Variants in PIK3C3 observed in about 807,000 individuals in gnomAD.
PIK3C3 encodes phosphatidylinositol 3-kinase catalytic subunit type 3, also known as PI3-kinase type 3.
PIK3C3 carries 95 observed loss-of-function variants against 126.1 expected under a neutral mutation model. The observed-to-expected ratio is 0.75, with a 90% CI of 0.64 to 0.89. PIK3C3 has a LOEUF of 0.89. Ranked by LOEUF, PIK3C3 falls within the 40% of genes least tolerant of loss-of-function variation. The probability of loss-of-function intolerance (pLI) is 0.00; values close to 1 mark genes in which losing one functional copy is unlikely to be tolerated. For synonymous variants in PIK3C3, 374 were observed against 360.0 expected (o/e 1.04, Z -0.44); for missense variants, 829 against 1,063.2 (o/e 0.78, Z 3.06).
At chr18:42,047,361 C>A (rs868153780) in intron 20 of PIK3C3, among the ~76,000 whole-genome samples, 5 of 152,162 alleles carry the variant, frequency 3.3e-5, no homozygotes, top group South Asian at 2.1e-4. Flanking sequence ...TGTTAGAGAA[C>A]CTAAGTGTAC....
chr18:41,991,761 A>G (rs967173502), intron 6 of PIK3C3, among the ~76,000 whole-genome samples: 1 of 152,152 alleles, frequency 6.6e-6, no homozygotes, highest in Admixed American at 6.6e-5. Flanking sequence ...GTGAAAGACT[A>G]GGAAGTGTTA....
chr18:41,987,492 A>G (rs1183148441), intron 4 of PIK3C3, among the ~76,000 whole-genome samples: 1 of 152,076 alleles, frequency 6.6e-6, no homozygotes, highest in Admixed American at 6.6e-5. Context: ...TCATGAAACT[A>G]TTATTATAAT....
rs1414065117 is a variant in PIK3C3 at position 42,076,187 on chromosome 18, TATATGCACAC to T, written c.2650-4931_2650-4922del. Among the ~76,000 whole-genome samples the T allele has an allele frequency of 4.6e-3, 545 of 119,516 alleles. 15 individuals are homozygous for T. Among genetic ancestry groups the T allele is most frequent in the African/African-American group, 0.02 (521 of 26,280 alleles). The allele number at this position is 119,516 out of a possible 152,430, so 78.4% of individuals were successfully genotyped here. ...GCACATATATATATATGCACATATA[TATATGCACAC>T]ATATATATATGCACATATATATATG... On this transcript the variant is annotated intron_variant, in intron 24 of 24. Transcript: ENST00000262039.
chr18:41,978,021 G>A (rs1337230021), intron 4 of PIK3C3, among the ~76,000 whole-genome samples: 1 of 152,120 alleles, frequency 6.6e-6, no homozygotes, highest in African/African-American at 2.4e-5. Flanking sequence ...GAGTGCAGTG[G>A]CACACTCACA....
At chr18:41,997,287 G>A (rs563656347) in intron 9 of PIK3C3, among the ~76,000 whole-genome samples, 3 of 152,116 alleles carry the variant, frequency 2.0e-5, no homozygotes, top group Non-Finnish European at 2.9e-5. Context: ...AGTTGGTGGA[G>A]TAGCATACAG....
intron 19 of PIK3C3, among the ~76,000 whole-genome samples, chr18:42,043,343 G>A (rs748543202): frequency 6.6e-6 from 1 of 151,948 alleles, no homozygotes; most frequent in Non-Finnish European, 1.5e-5. Flanking sequence ...TGCCCACCTC[G>A]GCCTCCCAAA....
rs377724867 is a variant in PIK3C3 at position 41,996,735 on chromosome 18, G to A, written c.984+5G>A. The A allele has an allele frequency of 1.4e-6, 2 of 1,379,982 alleles. No individual in the cohort carries two copies. The highest frequency in any genetic ancestry group is 2.0e-6 in the Non-Finnish European group (2 of 990,432). 85.5% of individuals were successfully genotyped at this position (1,379,982 alleles called of 1,614,324 possible). A position where few individuals can be genotyped will look rare whatever the true frequency, so the allele number is the denominator to read the frequency against. On this transcript the variant is annotated splice_donor_5th_base_variant and intron_variant, in intron 9 of 24. Transcript: ENST00000262039. ...TATCTTACGAATCAAGAAAAAGTGA[G>A]TGTCTTGAATATTTTCATATATCAA...
At chr18:41,971,617 C>T (rs1249957065) in intron 4 of PIK3C3, among the ~76,000 whole-genome samples, 1 of 151,984 alleles carries the variant, frequency 6.6e-6, no homozygotes, top group Non-Finnish European at 1.5e-5. Context: ...ACCTTTAAGA[C>T]TTTATCTTAG....
At chr18:41,978,975 C>T (rs1981062656) in intron 4 of PIK3C3, among the ~76,000 whole-genome samples, 1 of 150,680 alleles carries the variant, frequency 6.6e-6, no homozygotes, top group Admixed American at 6.6e-5. Flanking sequence ...TAGTTTCAGC[C>T]ACTCAGCTAC....
intron 24 of PIK3C3, among the ~76,000 whole-genome samples, chr18:42,072,044 A>G (rs1036608538): frequency 6.7e-6 from 1 of 149,634 alleles, no homozygotes; most frequent in African/African-American, 2.6e-5. Context: ...TCTGGAGTTT[A>G]TTTTCTCTTT....
intron 22 of PIK3C3, among the ~76,000 whole-genome samples, chr18:42,059,293 G>A (rs1473149468): frequency 1.3e-5 from 2 of 152,166 alleles, no homozygotes; most frequent in African/African-American, 4.8e-5. Flanking sequence ...GAATGGCTCA[G>A]TTTTACCTTC....
At chr18:41,959,717 C>G (rs779295933) in intron 2 of PIK3C3, among the ~76,000 whole-genome samples, 1 of 151,972 alleles carries the variant, frequency 6.6e-6, no homozygotes, top group Non-Finnish European at 1.5e-5. Flanking sequence ...TCGCCGGAAC[C>G]CAGGAGGCAG....
At chr18:41,987,774 T>G in intron 4 of PIK3C3, 38 bp from the exon 5 acceptor site, 1 of 1,370,364 alleles carries the variant, frequency 7.3e-7, no homozygotes, top group Non-Finnish European at 1.0e-6. Context: ...TTCTACTAGA[T>G]GTATATTAAA....
At position 42,067,407 on chromosome 18, in the gene PIK3C3, T is replaced by C. The variant is rs774276097; in HGVS notation, c.2543T>C (p.Leu848Ser). Residue 848 changes from leucine (L) to serine (S), a missense_variant, in exon 24 of 25, where the codon TTA becomes TCA. Around this residue, in one of 4 missense-constraint regions of PIK3C3, gnomAD observed 196 missense variants for 312.8 expected, o/e 0.63. Transcript: ENST00000262039. ...TTATAGGTTCAGGATAAATTCCGCT[T>C]AGACCTGTCGGATGAAGAGGCTGTG... The part of the protein sequence containing the change: ...TVKKVQDKFR[L>S]DLSDEEAVHY... The C allele has an allele frequency of 1.3e-5, 21 of 1,613,970 alleles. No homozygotes were observed. In the East Asian group the frequency reaches 4.7e-4, roughly 36 times the overall value.
intron 20 of PIK3C3, 65 bp from the exon 21 acceptor site, chr18:42,049,466 A>G: frequency 8.3e-7 from 1 of 1,198,014 alleles, no homozygotes; most frequent in Admixed American, 1.8e-5. Context: ...CTGCTTTTAT[A>G]TTCAGTAGAA....
At chr18:42,054,920 G>A (rs1359902046) in intron 21 of PIK3C3, among the ~76,000 whole-genome samples, 1 of 151,476 alleles carries the variant, frequency 6.6e-6, no homozygotes, top group African/African-American at 2.4e-5. Context: ...ACCATGAGAT[G>A]AATAATGCCT....
intron 7 of PIK3C3, among the ~76,000 whole-genome samples, chr18:41,994,719 A>G (rs1981945435): frequency 6.6e-6 from 1 of 152,096 alleles, no homozygotes; most frequent in African/African-American, 2.4e-5. Context: ...TAAACTCCAA[A>G]TGGATCTGTA....
At chr18:42,002,218 G>C (rs988882760) in intron 9 of PIK3C3, among the ~76,000 whole-genome samples, 1 of 152,140 alleles carries the variant, frequency 6.6e-6, no homozygotes, top group Admixed American at 6.6e-5. Flanking sequence ...TTGATGAAGA[G>C]TATATGGGAG....
chr18:42,034,892 G>A (rs1023385835), intron 16 of PIK3C3, among the ~76,000 whole-genome samples: 3 of 152,218 alleles, frequency 2.0e-5, no homozygotes, highest in African/African-American at 7.2e-5. Context: ...TTAAAAAAGT[G>A]TGTTTCAAGG....
Sources: gnomAD v4.1 joint callset for allele counts (sites outside exome capture counted in the v4.1 genomes callset) on GRCh38, gnomAD v4.1.1 for gene constraint, gnomAD v4.1.1 regional missense constraint, MANE v1.5 for transcripts, NCBI Gene and HGNC (gene_info 2026-07-23, HGNC 2026-07-21) for gene names.